EPHB1: variants seen among roughly 807,000 people sequenced by gnomAD.
EPHB1 encodes EPH receptor B1, also known as ephrin type-B receptor 1.
Under a neutral mutation model 94.4 loss-of-function variants are expected in EPHB1, and 30 were observed. That is an observed-to-expected ratio of 0.32 (90% confidence interval 0.24 to 0.43). EPHB1 has a LOEUF of 0.43. Among genes scored for constraint, EPHB1 ranks in the 20% least tolerant of loss-of-function variants. EPHB1 has a pLI of 1.00. For missense variants in EPHB1, 1,055 were observed against 1,308.3 expected (o/e 0.81, Z 2.99); for synonymous variants, 522 against 489.1 (o/e 1.07, Z -0.89).
chr3:135,103,840 C>G (rs376579174), intron 3 of EPHB1, among the ~76,000 whole-genome samples: 34 of 152,340 alleles, frequency 2.2e-4, no homozygotes, highest in African/African-American at 7.7e-4. Flanking sequence ...ACTTCCTCCT[C>G]TCATGGACAC....
intron 3 of EPHB1, among the ~76,000 whole-genome samples, chr3:135,027,275 G>A (rs1355302357): frequency 6.6e-6 from 1 of 151,754 alleles, no homozygotes; most frequent in African/African-American, 2.4e-5. Flanking sequence ...GTGAGAGAGG[G>A]CATCCCTGTC....
Position 135,132,828 on chromosome 3 carries a change from T to C in EPHB1, c.1076T>C (p.Ile359Thr). 1 of 1,614,020 alleles carries C rather than the reference T, an allele frequency of 6.2e-7. No homozygotes were observed. Among genetic ancestry groups the C allele is most frequent in the Non-Finnish European group, 8.5e-7 (1 of 1,179,884 alleles). The part of the protein sequence containing the change: ...GGRDDVTYNI[I>T]CKKCRADRRS... Reference sequence around the variant, plus strand: ...CGGGATGATGTGACCTACAACATCATCTGCAAAAAGTGCCGGGCAGACCGC... The same window carrying C: ...CGGGATGATGTGACCTACAACATCACCTGCAAAAAGTGCCGGGCAGACCGC... Residue 359 changes from isoleucine (I) to threonine (T), a missense_variant, in exon 5 of 16, where the codon ATC becomes ACC. By Grantham distance (89) the Ile-to-Thr change is moderately conservative (BLOSUM62 -1). Coordinates refer to ENST00000398015, the MANE Select transcript of EPHB1 (RefSeq NM_004441.5).
At chr3:135,075,661 C>T (rs1002084608) in intron 3 of EPHB1, among the ~76,000 whole-genome samples, 3 of 152,180 alleles carry the variant, frequency 2.0e-5, no homozygotes, top group Non-Finnish European at 4.4e-5. Flanking sequence ...CACAGCTCTT[C>T]TCAGTCCCTA....
chr3:135,052,963 ATATATATGTGTATATATATG>A (rs1423130934), intron 3 of EPHB1, among the ~76,000 whole-genome samples: 1 of 117,566 alleles, frequency 8.5e-6, no homozygotes. Context: ...ATATGTGTGT[ATATATATGTGTATATATATG>A]TGTGTGTATA....
Position 135,106,623 on chromosome 3 carries a change from T to C in EPHB1, c.961+20T>C. 6.2e-7 allele frequency: 1 copy of C among 1,613,020 alleles called. No homozygotes were observed. Among genetic ancestry groups the C allele is most frequent in the South Asian group, 1.1e-5 (1 of 91,064 alleles). ...GCACTAGTAAGTGTCTAGTAATGGCTCTGGGCTGGGGAGTTTGGTTCCCTG... is the reference window on the plus strand; with the variant it reads ...GCACTAGTAAGTGTCTAGTAATGGCCCTGGGCTGGGGAGTTTGGTTCCCTG... On this transcript the variant is annotated intron_variant, in intron 4 of 15. Coordinates refer to ENST00000398015, the MANE Select transcript of EPHB1 (RefSeq NM_004441.5).
At chr3:134,921,590 T>G (rs1226975950) in intron 1 of EPHB1, among the ~76,000 whole-genome samples, 2 of 152,218 alleles carry the variant, frequency 1.3e-5, no homozygotes, top group Non-Finnish European at 2.9e-5. Context: ...ATTCCCTTGG[T>G]CTTTACAACA....
intron 3 of EPHB1, among the ~76,000 whole-genome samples, chr3:135,024,384 A>T (rs1936075537): frequency 6.6e-6 from 1 of 152,222 alleles, no homozygotes; most frequent in Admixed American, 6.5e-5. Context: ...TGAAAATACA[A>T]CTTTTACTTC....
intron 3 of EPHB1, among the ~76,000 whole-genome samples, chr3:135,088,898 T>C (rs1192810112): frequency 6.6e-6 from 1 of 152,246 alleles, no homozygotes; most frequent in Non-Finnish European, 1.5e-5. Flanking sequence ...CTGCTATTAA[T>C]ACTTTTAATT....
chr3:134,876,958 T>C (rs562323631), intron 1 of EPHB1, among the ~76,000 whole-genome samples: 30 of 152,294 alleles, frequency 2.0e-4, no homozygotes, highest in African/African-American at 6.0e-4. Flanking sequence ...GAATTTTTCC[T>C]CATGCACATG....
intron 6 of EPHB1, among the ~76,000 whole-genome samples, chr3:135,158,077 G>A (rs73218244): frequency 0.037 from 5,571 of 152,242 alleles, 118 homozygotes; most frequent in Middle Eastern, 0.065. Context: ...CAAAATTAGT[G>A]TGGCTCCCAA....
At chr3:135,056,052 GA>G (rs1480803253) in intron 3 of EPHB1, among the ~76,000 whole-genome samples, 4 of 152,256 alleles carry the variant, frequency 2.6e-5, no homozygotes, top group African/African-American at 9.6e-5. Flanking sequence ...CCACCTATCA[GA>G]CCACTTACTC....
At chr3:134,878,053 C>T (rs1404944100) in intron 1 of EPHB1, among the ~76,000 whole-genome samples, 1 of 152,148 alleles carries the variant, frequency 6.6e-6, no homozygotes, top group Non-Finnish European at 1.5e-5. Flanking sequence ...TGGAGATTAC[C>T]CCAGCCTTCC....
At chr3:134,960,264 A>T (rs73214126) in intron 3 of EPHB1, among the ~76,000 whole-genome samples, 1 of 151,926 alleles carries the variant, frequency 6.6e-6, no homozygotes, top group Non-Finnish European at 1.5e-5. Context: ...GCAAATGGAG[A>T]AGGAATGCAC....
chr3:134,858,149 CCATCAT>C (rs71139558), intron 1 of EPHB1, among the ~76,000 whole-genome samples: 26,318 of 148,276 alleles, frequency 0.18, 2,035 homozygotes, highest in South Asian at 0.25. Flanking sequence ...TTTTATTGTT[CCATCAT>C]CATCATCATC....
chr3:135,133,269 C>T (rs958565711), intron 5 of EPHB1, among the ~76,000 whole-genome samples: 2 of 152,152 alleles, frequency 1.3e-5, no homozygotes, highest in Non-Finnish European at 2.9e-5. Context: ...TTTCTTGTGC[C>T]CAGCACAAAA....
At chr3:135,239,222 T>C (rs1302046333) in intron 12 of EPHB1, among the ~76,000 whole-genome samples, 4 of 152,192 alleles carry the variant, frequency 2.6e-5, no homozygotes, top group Non-Finnish European at 5.9e-5. Flanking sequence ...TCCAGCCTGG[T>C]TGCCTTTATT....
intron 9 of EPHB1, among the ~76,000 whole-genome samples, chr3:135,171,209 T>C (rs557378034): frequency 6.6e-6 from 1 of 152,342 alleles, no homozygotes; most frequent in East Asian, 1.9e-4. Context: ...TTACCAGGGT[T>C]ATACCTTTAG....
At chr3:135,149,944 A>G (rs772701620) in intron 5 of EPHB1, among the ~76,000 whole-genome samples, 3 of 152,160 alleles carry the variant, frequency 2.0e-5, no homozygotes, top group Non-Finnish European at 4.4e-5. Context: ...TTGCCTCTGG[A>G]TCACTCTGCC....
intron 3 of EPHB1, among the ~76,000 whole-genome samples, chr3:135,090,081 A>C (rs957749976): frequency 2.0e-5 from 3 of 152,216 alleles, no homozygotes; most frequent in Non-Finnish European, 4.4e-5. Flanking sequence ...ACCTCTCAGC[A>C]CCTAGGAATA....
Sources: gnomAD v4.1 joint callset for allele counts (sites outside exome capture counted in the v4.1 genomes callset) on GRCh38, gnomAD v4.1.1 for gene constraint, MANE v1.5 for transcripts, NCBI Gene and HGNC (gene_info 2026-07-23, HGNC 2026-07-21) for gene names.